Variants in PLXDC2 observed in about 807,000 individuals in gnomAD.
The protein encoded by PLXDC2 is plexin domain-containing protein 2.
In PLXDC2, 40 loss-of-function variants were observed where a neutral mutation model predicts 68.9. The ratio of observed to expected loss-of-function variants is 0.58; its 90% CI spans 0.45 to 0.76. The LOEUF is 0.76. Ranked by LOEUF, PLXDC2 falls within the 30% of genes least tolerant of loss-of-function variation. The pLI, the probability that PLXDC2 is intolerant of heterozygous loss-of-function variation, is 0.00. For synonymous variants in PLXDC2, 243 were observed against 234.2 expected (o/e 1.04, Z -0.34); for missense variants, 644 against 661.9 (o/e 0.97, Z 0.30).
intron 1 of PLXDC2, 78 bp downstream of exon 1, chr10:19,817,269 C>T: frequency 8.7e-7 from 1 of 1,154,904 alleles, no homozygotes; most frequent in Non-Finnish European, 1.3e-6. Context: ...TCCCTACCCT[C>T]TCCCCCCAAC....
intron 4 of PLXDC2, among the ~76,000 whole-genome samples, chr10:20,069,483 C>T (rs1836278941): frequency 6.6e-6 from 1 of 151,920 alleles, no homozygotes; most frequent in South Asian, 2.1e-4. Flanking sequence ...ACTGTGAGAC[C>T]CTATATCTAC....
chr10:19,963,580 C>T (rs1248462286), intron 1 of PLXDC2, among the ~76,000 whole-genome samples: 1 of 152,028 alleles, frequency 6.6e-6, no homozygotes, highest in Non-Finnish European at 1.5e-5. Flanking sequence ...AGCAAACTAT[C>T]GCAAGGCCAA....
At chr10:20,246,741 T>C (rs1017769931) in intron 13 of PLXDC2, among the ~76,000 whole-genome samples, 8 of 152,202 alleles carry the variant, frequency 5.3e-5, no homozygotes, top group African/African-American at 1.9e-4. Context: ...AAAAGAAATC[T>C]TCTCTTGCAG....
rs143313601 is a variant in PLXDC2 at position 20,209,506 on chromosome 10, C to T, written c.1062-2163C>T. Among the ~76,000 whole-genome samples, 204 of 139,124 alleles carry T rather than the reference C, an allele frequency of 1.5e-3. 1 individual carries two copies. Among genetic ancestry groups the T allele is most frequent in the African/African-American group, 5.3e-3 (192 of 36,498 alleles). 91.3% of individuals were successfully genotyped at this position (139,124 alleles called of 152,430 possible). ...CAAAGTTGCACATTGTGCACATGTA[C>T]CCTAAAACTTAAAGTATAATAATAA... On this transcript the variant is annotated intron_variant, in intron 9 of 13. Transcript: ENST00000377252.
intron 4 of PLXDC2, among the ~76,000 whole-genome samples, chr10:20,089,379 G>A (rs1422250562): frequency 6.6e-6 from 1 of 152,120 alleles, no homozygotes; most frequent in African/African-American, 2.4e-5. Context: ...GAAGGGAATT[G>A]CAGGCAGCAG....
intron 1 of PLXDC2, among the ~76,000 whole-genome samples, chr10:19,891,616 T>C (rs947386379): frequency 6.6e-6 from 1 of 152,214 alleles, no homozygotes; most frequent in Non-Finnish European, 1.5e-5. Context: ...TCCTGTGTCT[T>C]CCCTACAAAG....
chr10:20,198,315 C>G (rs1380229757), intron 9 of PLXDC2, among the ~76,000 whole-genome samples: 4 of 152,118 alleles, frequency 2.6e-5, no homozygotes, highest in Non-Finnish European at 2.9e-5. Context: ...GCGTTTCACT[C>G]TCATCTAAAC....
chr10:20,082,693 G>A (rs1010128644), intron 4 of PLXDC2, among the ~76,000 whole-genome samples: 4 of 152,070 alleles, frequency 2.6e-5, no homozygotes, highest in Admixed American at 1.3e-4. Flanking sequence ...ATTTCTACTC[G>A]TAAAAATGTA....
intron 1 of PLXDC2, among the ~76,000 whole-genome samples, chr10:19,972,757 A>G (rs963934760): frequency 6.6e-6 from 1 of 152,194 alleles, no homozygotes; most frequent in Non-Finnish European, 1.5e-5. Context: ...TATTTTTAAA[A>G]AGCCTAAACT....
At chr10:19,909,205 A>G (rs148401571) in intron 1 of PLXDC2, among the ~76,000 whole-genome samples, 12 of 152,308 alleles carry the variant, frequency 7.9e-5, no homozygotes, top group African/African-American at 2.9e-4. Context: ...TCCCTGAATC[A>G]AAACCTCAGG....
Position 20,234,110 on chromosome 10 carries a change from A to AG in PLXDC2, c.1313-11234dup, listed in dbSNP as rs1326721951. Among the ~76,000 whole-genome samples the AG allele has an allele frequency of 2.0e-5, 3 of 152,056 alleles. No individual in the cohort carries two copies. The East Asian group carries it at 5.8e-4, about 29-fold the overall frequency. ...ACTAAGTGCTGGGATTGCAGATGTG[A>AG]GCCACCGTGCCCGGCCAGCAAATCA... On this transcript the variant is annotated intron_variant, in intron 12 of 13. Transcript: ENST00000377252.
intron 1 of PLXDC2, among the ~76,000 whole-genome samples, chr10:19,923,947 C>T (rs1044374126): frequency 6.6e-6 from 1 of 152,014 alleles, no homozygotes; most frequent in Non-Finnish European, 1.5e-5. Flanking sequence ...GCCTGTAGTC[C>T]CCACTCCTTG....
At chr10:20,033,620 G>T (rs1819823461) in intron 2 of PLXDC2, among the ~76,000 whole-genome samples, 1 of 152,160 alleles carries the variant, frequency 6.6e-6, no homozygotes, top group Non-Finnish European at 1.5e-5. Context: ...GCAAGAGAGA[G>T]AGCTTGTGTG....
At chr10:20,263,286 G>A (rs1835831994) in intron 13 of PLXDC2, among the ~76,000 whole-genome samples, 1 of 152,108 alleles carries the variant, frequency 6.6e-6, no homozygotes, top group African/African-American at 2.4e-5. Context: ...AAATGGTGCT[G>A]GGAGAACTGG....
chr10:20,288,102 T>G lies in PLXDC2; in HGVS notation c.*8283T>G, dbSNP rs2119412179. On this transcript the variant is annotated 3_prime_UTR_variant, in exon 14 of 14. Coordinates refer to ENST00000377252, the MANE Select transcript of PLXDC2 (RefSeq NM_032812.9). ...CCTTTGTCAGAATCACAAAGCTCAC[T>G]GCGGCACTGCTACAAGAGGACACTG... 1 of 151,922 alleles carries G rather than the reference T, an allele frequency of 6.6e-6. No homozygotes were observed. Among genetic ancestry groups the G allele is most frequent in the South Asian group, 2.1e-4 (1 of 4,800 alleles). The allele number at this position is 151,922 out of a possible 1,614,324, so 9.4% of individuals were successfully genotyped here. A position where few individuals can be genotyped will look rare whatever the true frequency, so the allele number is the denominator to read the frequency against.
At chr10:19,835,391 A>G (rs528273503) in intron 1 of PLXDC2, among the ~76,000 whole-genome samples, 1 of 152,326 alleles carries the variant, frequency 6.6e-6, no homozygotes, top group Non-Finnish European at 1.5e-5. Flanking sequence ...AGAGGAGGAT[A>G]GCTAAGATAA....
intron 1 of PLXDC2, among the ~76,000 whole-genome samples, chr10:19,933,582 G>A (rs996528504): frequency 1.3e-5 from 2 of 151,980 alleles, no homozygotes; most frequent in African/African-American, 2.4e-5. Context: ...GCAGTGAGCC[G>A]AGATTGAGCC....
chr10:20,269,657 T>A (rs1835911030), intron 13 of PLXDC2, among the ~76,000 whole-genome samples: 1 of 152,118 alleles, frequency 6.6e-6, no homozygotes, highest in Non-Finnish European at 1.5e-5. Flanking sequence ...ATGGTAGGCT[T>A]TGAAGGACAA....
intron 13 of PLXDC2, among the ~76,000 whole-genome samples, chr10:20,249,698 C>G (rs546663396): frequency 6.6e-6 from 1 of 152,058 alleles, no homozygotes; most frequent in African/African-American, 2.4e-5. Flanking sequence ...TCCTTTTTAC[C>G]GTGTAAGGTA....
Sources: gnomAD v4.1 joint callset for allele counts (sites outside exome capture counted in the v4.1 genomes callset) on GRCh38, gnomAD v4.1.1 for gene constraint, MANE v1.5 for transcripts, NCBI Gene and HGNC (gene_info 2026-07-23, HGNC 2026-07-21) for gene names.